Variants in NDUFAF6 observed in about 807,000 individuals in gnomAD.
The protein encoded by NDUFAF6 is NADH:ubiquinone oxidoreductase complex assembly factor 6, also known as NADH dehydrogenase (ubiquinone) complex I, assembly factor 6.
NDUFAF6 carries 45 observed loss-of-function variants against 40.8 expected under a neutral mutation model. That is an observed-to-expected ratio of 1.10 (90% CI 0.87 to 1.42). The LOEUF is 1.42. NDUFAF6 is among the 40% of genes most tolerant of loss of function. The pLI, the probability that NDUFAF6 is intolerant of heterozygous loss-of-function variation, is 0.00. For synonymous variants in NDUFAF6, 185 were observed against 155.9 expected (o/e 1.19, Z -1.39); for missense variants, 435 against 418.5 (o/e 1.04, Z -0.34).
At chr8:95,072,929 C>G (rs1185404105) in intron 9 of NDUFAF6, 1 of 154,096 alleles carries the variant, frequency 6.5e-6, no homozygotes, top group African/African-American at 2.4e-5. Flanking sequence ...GCAGGCCAAC[C>G]TCGACGATCT....
chr8:94,971,152 T>C (rs1824428627), intron 1 of NDUFAF6, among the ~76,000 whole-genome samples: 1 of 152,200 alleles, frequency 6.6e-6, no homozygotes, highest in Non-Finnish European at 1.5e-5. Context: ...ACAGCAGAAA[T>C]GAACACACCT....
intron 1 of NDUFAF6, 21 bp downstream of exon 1, chr8:95,025,226 C>G: frequency 7.2e-7 from 1 of 1,386,594 alleles, no homozygotes; most frequent in Non-Finnish European, 9.3e-7. Context: ...ACGACCTTCC[C>G]TGGCGCGGCG....
chr8:95,065,597 TTTCTC>T (rs1256463970), intron 9 of NDUFAF6, among the ~76,000 whole-genome samples: 2 of 152,194 alleles, frequency 1.3e-5, no homozygotes, highest in Non-Finnish European at 2.9e-5. Flanking sequence ...AGTATGTTCT[TTTCTC>T]TTATTTTGCA....
intron 2 of NDUFAF6, among the ~76,000 whole-genome samples, chr8:94,985,057 A>T (rs1439763795): frequency 2.0e-5 from 3 of 152,124 alleles, no homozygotes; most frequent in Non-Finnish European, 2.9e-5. Context: ...CCTCCTTTGC[A>T]GCTAGGGGAT....
rs75657554 is a variant in NDUFAF6, at chr8:95,115,312, G to T, written n.345-224G>T. ...AATTATAGTGACCCAAGAAAAGATG[G>T]ATCTGTATGACTGAGATGACTGCAA... On this transcript the variant is annotated intron_variant and non_coding_transcript_variant, in intron 4 of 5. Coordinates refer to the NDUFAF6 transcript ENST00000523184. Among the ~76,000 whole-genome samples the T allele has an allele frequency of 6.4e-3, 980 of 152,220 alleles. 8 individuals are homozygous for T. The highest frequency in any genetic ancestry group is 0.022 in the African/African-American group (933 of 41,508).
At chr8:95,090,975 G>A (rs983141906) in intron 2 of NDUFAF6, among the ~76,000 whole-genome samples, 1 of 136,850 alleles carries the variant, frequency 7.3e-6, no homozygotes, top group South Asian at 2.4e-4. Flanking sequence ...CCTATTGTGG[G>A]ACCTTGTGAT....
At chr8:94,996,390 C>T (rs533134852) in intron 2 of NDUFAF6, among the ~76,000 whole-genome samples, 14 of 152,306 alleles carry the variant, frequency 9.2e-5, no homozygotes, top group Non-Finnish European at 1.5e-4. Flanking sequence ...ACCTGAGTCT[C>T]TTATTGCTGT....
chr8:94,916,079 G>A (rs777056144), intron 1 of NDUFAF6, among the ~76,000 whole-genome samples: 3 of 152,288 alleles, frequency 2.0e-5, no homozygotes, highest in African/African-American at 7.2e-5. Context: ...AAGCAAAATG[G>A]TGTGTACTTT....
chr8:94,959,539 G>GTT (rs3039196), intron 1 of NDUFAF6, among the ~76,000 whole-genome samples: 68,126 of 144,754 alleles, frequency 0.47, 16,535 homozygotes, highest in East Asian at 0.72. Flanking sequence ...TGTTTTTTTT[G>GTT]TTTTTTTTTT....
chr8:95,009,889 A>G (rs2131669543), intron 2 of NDUFAF6, among the ~76,000 whole-genome samples: 1 of 152,312 alleles, frequency 6.6e-6, no homozygotes, highest in East Asian at 1.9e-4. Flanking sequence ...TATTAAAGTA[A>G]TGATTGTTGT....
chr8:95,063,773 T>G (rs1028831369), intron 9 of NDUFAF6, among the ~76,000 whole-genome samples: 1 of 152,128 alleles, frequency 6.6e-6, no homozygotes, highest in Non-Finnish European at 1.5e-5. Context: ...GCTTTTTTTT[T>G]AAAACCTCAG....
At chr8:94,979,833 G>A (rs371273431) in intron 1 of NDUFAF6, among the ~76,000 whole-genome samples, 2 of 152,186 alleles carry the variant, frequency 1.3e-5, no homozygotes, top group African/African-American at 2.4e-5. Context: ...CATGGCTTAC[G>A]CCTGTAATCC....
At chr8:94,896,289 C>T (rs1290669493) in intron 1 of NDUFAF6, among the ~76,000 whole-genome samples, 1 of 148,582 alleles carries the variant, frequency 6.7e-6, no homozygotes, top group African/African-American at 2.4e-5. Flanking sequence ...GCCGCCAGCG[C>T]GCCCTGCGGA....
intron 1 of NDUFAF6, among the ~76,000 whole-genome samples, chr8:94,941,548 G>C (rs1415001922): frequency 6.6e-6 from 1 of 152,168 alleles, no homozygotes; most frequent in African/African-American, 2.4e-5. Context: ...GTCTATAACT[G>C]TAAGCACACC....
chr8:94,907,434 G>C (rs531629790), intron 1 of NDUFAF6, among the ~76,000 whole-genome samples: 1 of 152,302 alleles, frequency 6.6e-6, no homozygotes, highest in African/African-American at 2.4e-5. Flanking sequence ...GTGAGACACA[G>C]ATAGATTCAA....
rs781167636 is a variant in NDUFAF6 at position 95,052,244 on chromosome 8, C to T, written c.873+14C>T. 6.2e-7 allele frequency: 1 copy of T among 1,612,322 alleles called. No homozygotes were observed. Among genetic ancestry groups the T allele is most frequent in the Non-Finnish European group, 8.5e-7 (1 of 1,178,438 alleles). ...TTTCTTCAGACGGTAAGTAGATTAA[C>T]AGAGAAGGCTGTATAATTAGTGAAG... On this transcript the variant is annotated intron_variant, in intron 8 of 8. Coordinates refer to ENST00000396124, the MANE Select transcript of NDUFAF6 (RefSeq NM_152416.4).
chr8:95,039,091 C>T (rs545656124), intron 3 of NDUFAF6, among the ~76,000 whole-genome samples: 42 of 152,058 alleles, frequency 2.8e-4, no homozygotes, highest in African/African-American at 1.0e-3. Flanking sequence ...ATTCTCCTAC[C>T]TCAGCCTCCC....
downstream of NDUFAF6, among the ~76,000 whole-genome samples, chr8:95,104,309 T>C (rs998060711): frequency 6.6e-6 from 1 of 152,250 alleles, no homozygotes; most frequent in African/African-American, 2.4e-5. Context: ...AATAATCAGT[T>C]GGAACTGAGT....
intron 1 of NDUFAF6, among the ~76,000 whole-genome samples, chr8:94,933,755 ACT>A (rs927569866): frequency 2.9e-5 from 4 of 137,724 alleles, no homozygotes; most frequent in South Asian, 2.4e-4. Context: ...ACAGAGCAAG[ACT>A]CTCTCAAAAA....
Sources: gnomAD v4.1 joint callset for allele counts (sites outside exome capture counted in the v4.1 genomes callset) on GRCh38, gnomAD v4.1.1 for gene constraint, MANE v1.5 for transcripts, NCBI Gene and HGNC (gene_info 2026-07-23, HGNC 2026-07-21) for gene names.